ANO4: variants seen among roughly 807,000 people sequenced by gnomAD.
ANO4 encodes the protein anoctamin-4.
In ANO4, 69 loss-of-function variants were observed where a neutral mutation model predicts 141.9. That is an observed-to-expected ratio of 0.49 (90% CI 0.40 to 0.59). ANO4 has a LOEUF of 0.59. ANO4 is among the 20% of genes least tolerant of loss of function. The pLI is 0.00. For synonymous variants in ANO4, 350 were observed against 394.3 expected, an observed-to-expected ratio of 0.89 and a Z score of 1.33; for missense variants, 894 against 1,162.2, an observed-to-expected ratio of 0.77 and a Z score of 3.36.
chr12:101,029,031 AT>A (rs1197462138), intron 9 of ANO4, among the ~76,000 whole-genome samples: 17 of 152,220 alleles, frequency 1.1e-4, no homozygotes, highest in Admixed American at 1.1e-3. Context: ...AGTATTCAAC[AT>A]TCTTAAAGAA....
chr12:100,886,500 C>G (rs1489266262), intron 1 of ANO4, among the ~76,000 whole-genome samples: 1 of 152,074 alleles, frequency 6.6e-6, no homozygotes, highest in Non-Finnish European at 1.5e-5. Context: ...CCATGGGGGG[C>G]GTGCTCTTCT....
At chr12:100,948,000 G>A (rs943017936) in intron 5 of ANO4, among the ~76,000 whole-genome samples, 1 of 151,876 alleles carries the variant, frequency 6.6e-6, no homozygotes, top group Non-Finnish European at 1.5e-5. Context: ...TGGCTAACAT[G>A]GTGAAACCCT....
chr12:100,897,768 CTT>C (rs1255209870), intron 1 of ANO4, among the ~76,000 whole-genome samples: 2 of 152,168 alleles, frequency 1.3e-5, no homozygotes, highest in Admixed American at 6.5e-5. Context: ...TTACTAAGGT[CTT>C]TGACAGCTGA....
intron 1 of ANO4, among the ~76,000 whole-genome samples, chr12:100,839,834 G>T (rs1260744083): frequency 1.3e-5 from 2 of 152,068 alleles, no homozygotes; most frequent in African/African-American, 4.8e-5. Context: ...ATGCATTATT[G>T]TAAAATGTGC....
chr12:100,733,810 C>T (rs1302736533), exon 2 of ANO4: 2 of 702,180 alleles, frequency 2.8e-6, no homozygotes, highest in Non-Finnish European at 5.2e-6. Flanking sequence ...AACCTTTCCT[C>T]TGCAACGACG....
At chr12:101,066,709 G>A (rs1019158647) in intron 14 of ANO4, 21 of 730,494 alleles carry the variant, frequency 2.9e-5, no homozygotes, top group Non-Finnish European at 4.0e-5. Context: ...AGGTCAGGTG[G>A]CACCTGCTTG....
chr12:100,938,532 C>T (rs890980552), intron 3 of ANO4, among the ~76,000 whole-genome samples: 4 of 152,166 alleles, frequency 2.6e-5, no homozygotes, highest in African/African-American at 9.7e-5. Flanking sequence ...GCAATGCTGG[C>T]CCATAATTGA....
chr12:101,112,724 C>T (rs892299841), intron 24 of ANO4, among the ~76,000 whole-genome samples: 4 of 152,168 alleles, frequency 2.6e-5, no homozygotes, highest in African/African-American at 9.6e-5. Flanking sequence ...GGCCTGGGTC[C>T]AATTCATTAT....
chr12:101,092,449 C>T (rs1324897341), intron 17 of ANO4, among the ~76,000 whole-genome samples: 3 of 152,148 alleles, frequency 2.0e-5, no homozygotes, highest in East Asian at 1.9e-4. Context: ...ACAAACTTCC[C>T]GTGGTTTATC....
chr12:100,869,742 GA>G (rs1477991935), intron 1 of ANO4, among the ~76,000 whole-genome samples: 1 of 152,162 alleles, frequency 6.6e-6, no homozygotes, highest in Admixed American at 6.5e-5. Flanking sequence ...TGTACATTCA[GA>G]GATTTCAGTT....
intron 14 of ANO4, among the ~76,000 whole-genome samples, chr12:101,059,523 C>G (rs1047187840): frequency 5.9e-5 from 9 of 152,162 alleles, no homozygotes; most frequent in Non-Finnish European, 1.3e-4. Flanking sequence ...CTATTAATTA[C>G]TGCCTCAATT....
chr12:101,093,174 C>A (rs530079799), intron 17 of ANO4, among the ~76,000 whole-genome samples: 1 of 152,142 alleles, frequency 6.6e-6, no homozygotes, highest in South Asian at 2.1e-4. Flanking sequence ...ATTAATATAT[C>A]CTAATATAGC....
chr12:100,989,367 A>G (rs1273163517), intron 8 of ANO4, among the ~76,000 whole-genome samples: 1 of 152,234 alleles, frequency 6.6e-6, no homozygotes, highest in African/African-American at 2.4e-5. Flanking sequence ...TCTCTTGTTC[A>G]TCTTGGAAGT....
chr12:101,024,563 T>C (rs1464279170), intron 9 of ANO4, among the ~76,000 whole-genome samples: 1 of 151,674 alleles, frequency 6.6e-6, no homozygotes, highest in East Asian at 1.9e-4. Context: ...ACCACTGCAT[T>C]CCAGCCTGGG....
At chr12:101,012,910 A>G (rs1269113361) in intron 8 of ANO4, among the ~76,000 whole-genome samples, 2 of 152,158 alleles carry the variant, frequency 1.3e-5, no homozygotes, top group African/African-American at 2.4e-5. Context: ...TCAAGGATGC[A>G]TCTCAAGTTT....
At chr12:101,039,871 G>A in intron 10 of ANO4, 84 bp from the exon 11 acceptor site, 7 of 1,450,906 alleles carry the variant, frequency 4.8e-6, no homozygotes, top group Non-Finnish European at 6.6e-6. Flanking sequence ...CACAACACCT[G>A]CTGTAAGACA....
intron 13 of ANO4, among the ~76,000 whole-genome samples, chr12:101,045,950 G>T (rs1204283630): frequency 1.3e-5 from 2 of 152,174 alleles, no homozygotes; most frequent in African/African-American, 2.4e-5. Context: ...TTCTTTGGAG[G>T]GGAGGGGTTG....
chr12:100,793,664 A>AAAGGTGGCCCAAGAC (rs1172285102), upstream of ANO4, among the ~76,000 whole-genome samples: 56 of 152,198 alleles, frequency 3.7e-4, no homozygotes, highest in Non-Finnish European at 7.5e-4. Context: ...GCAGTGATAA[A>AAAGGTGGCCCAAGAC]AAGGTGGCCC....
At chr12:101,048,267 C>T (rs2047711498) in intron 13 of ANO4, 74 bp from the exon 14 acceptor site, 1 of 1,498,482 alleles carries the variant, frequency 6.7e-7, no homozygotes, top group South Asian at 1.2e-5. Flanking sequence ...GCTATTTTTA[C>T]AGAACTTGAA....
Sources: allele counts gnomAD v4.1 joint callset (sites outside exome capture counted in the v4.1 genomes callset), GRCh38; gene constraint gnomAD v4.1.1; transcripts MANE v1.5; gene names NCBI Gene and HGNC (gene_info 2026-07-23, HGNC 2026-07-21).